The following LOC400499 variants were observed in gnomAD, a reference collection of about 807,000 sequenced individuals.
chr16:11,452,142 A>C, the LOC400499 span, among the ~76,000 whole-genome samples: 2 of 150,628 alleles, frequency 1.3e-5, no homozygotes, highest in African/African-American at 4.9e-5. Context: ...TATAGATCAC[A>C]GTTGTGATCT....
At chr16:11,489,141 C>G in the LOC400499 span, among the ~76,000 whole-genome samples, 1 of 152,208 alleles carries the variant, frequency 6.6e-6, no homozygotes. Flanking sequence ...AAAGTCAGAC[C>G]TGAGTCTGAA....
chr16:11,443,616 C>G, the LOC400499 span, among the ~76,000 whole-genome samples: 2 of 151,954 alleles, frequency 1.3e-5, no homozygotes, highest in Non-Finnish European at 2.9e-5. Context: ...GAAGAAGACC[C>G]GGATGGGGTT....
At chr16:11,455,966 C>T in the LOC400499 span, among the ~76,000 whole-genome samples, 48 of 151,314 alleles carry the variant, frequency 3.2e-4, no homozygotes, top group African/African-American at 1.1e-3. Context: ...AACTCACAGC[C>T]GAATTCACTT....
chr16:11,436,460 C>T, the LOC400499 span, among the ~76,000 whole-genome samples: 1 of 152,302 alleles, frequency 6.6e-6, no homozygotes, highest in East Asian at 1.9e-4. Context: ...CAAGGCTCCA[C>T]CAGCTCCCAA....
At chr16:11,454,669 C>G in the LOC400499 span, among the ~76,000 whole-genome samples, 2 of 152,210 alleles carry the variant, frequency 1.3e-5, no homozygotes, top group African/African-American at 4.8e-5. Context: ...AAACTTACAG[C>G]CTTCAGAACT....
the LOC400499 span, among the ~76,000 whole-genome samples, chr16:11,498,376 G>A: frequency 1.3e-5 from 2 of 152,074 alleles, no homozygotes; most frequent in Non-Finnish European, 2.9e-5. Flanking sequence ...CAGCTACTCA[G>A]GAGGCTGAGG....
At chr16:11,473,078 T>C in the LOC400499 span, 1 of 151,374 alleles carries the variant, frequency 6.6e-6, no homozygotes, top group Non-Finnish European at 1.5e-5. Context: ...ATTGCGCCAC[T>C]GCACTCTAGC....
chr16:11,462,262 C>T, the LOC400499 span: 11 of 1,523,124 alleles, frequency 7.2e-6, no homozygotes, highest in Admixed American at 2.0e-4. Context: ...CCTGGAACCG[C>T]TCAGCCTCGC....
At chr16:11,394,047 CA>C in the LOC400499 span, among the ~76,000 whole-genome samples, 3 of 152,246 alleles carry the variant, frequency 2.0e-5, no homozygotes, top group Non-Finnish European at 2.9e-5. Flanking sequence ...AGGCCCCACC[CA>C]GACACTCTGA....
the LOC400499 span, among the ~76,000 whole-genome samples, chr16:11,513,455 G>A: frequency 6.6e-6 from 1 of 151,222 alleles, no homozygotes; most frequent in Non-Finnish European, 1.5e-5. Context: ...TTATTGAGAT[G>A]GAGTCTTACT....
At chr16:11,385,471 G>A in the LOC400499 span, 5 of 1,172,600 alleles carry the variant, frequency 4.3e-6, no homozygotes, top group Non-Finnish European at 5.4e-6. Context: ...ACCCACCGCA[G>A]TAGGAGCCCA....
chr16:11,398,588 C>G, the LOC400499 span: 1 of 1,089,736 alleles, frequency 9.2e-7, no homozygotes, highest in Non-Finnish European at 1.2e-6. Context: ...GAGACCCTCA[C>G]CTAGGCAAGA....
At chr16:11,396,376 C>G in the LOC400499 span, 2 of 839,954 alleles carry the variant, frequency 2.4e-6, no homozygotes, top group Non-Finnish European at 3.2e-6. Flanking sequence ...ATCCAGAATG[C>G]TGGTTTGCAG....
the LOC400499 span, among the ~76,000 whole-genome samples, chr16:11,423,943 C>T: frequency 1.8e-3 from 270 of 152,374 alleles, 1 homozygote; most frequent in African/African-American, 6.4e-3. Context: ...GGCGGCCACC[C>T]TCTGCCTTCC....
the LOC400499 span, among the ~76,000 whole-genome samples, chr16:11,487,925 C>T: frequency 6.6e-6 from 1 of 151,982 alleles, no homozygotes; most frequent in Non-Finnish European, 1.5e-5. Flanking sequence ...AGGAGCCTGG[C>T]CAGCATGGTG....
At chr16:11,446,324 A>T in the LOC400499 span, among the ~76,000 whole-genome samples, 321 of 151,324 alleles carry the variant, frequency 2.1e-3, no homozygotes, top group African/African-American at 7.4e-3. Context: ...TAATTAAACA[A>T]TTTTTTTTTC....
chr16:11,495,961 C>T, the LOC400499 span, among the ~76,000 whole-genome samples: 1 of 152,206 alleles, frequency 6.6e-6, no homozygotes, highest in African/African-American at 2.4e-5. Flanking sequence ...AAATCCAGCC[C>T]TGGGGCCCTG....
chr16:11,393,315 C>T, the LOC400499 span: 2 of 1,169,808 alleles, frequency 1.7e-6, no homozygotes. Flanking sequence ...AATCTTAACG[C>T]CCAGACCCCC....
At chr16:11,393,160 C>CT in the LOC400499 span, among the ~76,000 whole-genome samples, 1 of 139,104 alleles carries the variant, frequency 7.2e-6, no homozygotes, top group African/African-American at 2.8e-5. Flanking sequence ...GGCCACCCCC[C>CT]CCCCTTTTTT....
Sources: gnomAD v4.1 joint callset for allele counts (sites outside exome capture counted in the v4.1 genomes callset) on GRCh38, gnomAD v4.1.1 for gene constraint, MANE v1.5 for transcripts.